The following NEB variants were observed in gnomAD, a reference collection of about 807,000 sequenced individuals.
The protein encoded by NEB is nebulin, also known as nemaline myopathy type 2.
A neutral mutation model predicts 952.2 loss-of-function variants in NEB; 512 were observed. That is an observed-to-expected ratio of 0.54 (90% CI 0.50 to 0.58). NEB has a LOEUF of 0.58. Ranked by LOEUF, NEB falls within the 20% of genes least tolerant of loss-of-function variation. The pLI is 0.00. For missense variants in NEB, 8,428 were observed against 9,231.1 expected (o/e 0.91, Z 3.56); for synonymous variants, 2,900 against 3,149.8 (o/e 0.92, Z 2.66).
intron 11 of NEB, 41 bp from the exon 12 acceptor site, chr2:151,709,804 G>T: frequency 7.1e-7 from 1 of 1,414,870 alleles, no homozygotes; most frequent in South Asian, 1.2e-5. Flanking sequence ...CTGTGGAAAT[G>T]AACTATGCAA....
chr2:151,677,810 AG>A, intron 33 of NEB, 39 bp from the exon 34 acceptor site: 1 of 1,611,778 alleles, frequency 6.2e-7, no homozygotes, highest in South Asian at 1.1e-5. Flanking sequence ...GGCCTAGGAC[AG>A]GGTTCTTTTC....
In NEB at chr2:151,639,349, A is replaced by C. The variant is rs2098818130; in HGVS notation, c.8925T>G (p.Thr2975=). 1 of 1,546,426 alleles carries C rather than the reference A, an allele frequency of 6.5e-7. No homozygotes were observed. The highest frequency in any genetic ancestry group is 2.0e-5 in the Admixed American group (1 of 51,172). ...GTGTGTCTGGCATTATGTGGATCTG[A>C]GTCTTGTCTTTGTCCCAGGCTTCTG... ...LYTEAWDKDK[T]QIHIMPDTPE... is the part of the protein sequence containing the mutation. Residue 2975 remains threonine (T), a synonymous_variant, in exon 63 of 182, where the codon ACT becomes ACG. Transcript: ENST00000397345.
intron 84 of NEB, among the ~76,000 whole-genome samples, chr2:151,606,054 AGG>A (rs2097695034): frequency 1.1e-5 from 1 of 89,712 alleles, no homozygotes; most frequent in Non-Finnish European, 2.9e-5. Flanking sequence ...TCCTGACCTC[AGG>A]TGATCCGCCC....
At chr2:151,711,166 C>G (rs1014026657) in intron 10 of NEB, among the ~76,000 whole-genome samples, 1 of 152,166 alleles carries the variant, frequency 6.6e-6, no homozygotes, top group South Asian at 2.1e-4. Flanking sequence ...GAACCCAACA[C>G]AAAATGCAGC....
At chr2:151,682,142 T>C (rs1479867887) in intron 29 of NEB, among the ~76,000 whole-genome samples, 1 of 152,134 alleles carries the variant, frequency 6.6e-6, no homozygotes, top group Non-Finnish European at 1.5e-5. Flanking sequence ...ACAAAATAAA[T>C]TTCTAGAAAA....
rs150322681 is a variant in NEB at position 151,508,901 on chromosome 2, T to C, written c.23347-792A>G. 3.1e-3 allele frequency among the ~76,000 whole-genome samples: 466 copies of C among 152,376 alleles called. 1 individual carries two copies. The highest frequency in any genetic ancestry group is 4.8e-3 in the Non-Finnish European group (326 of 68,040). On this transcript the variant is annotated intron_variant, in intron 161 of 181. Transcript: ENST00000397345. ...ACCACCAAACTGATGATTGTTTTTA[T>C]TCTCTGCAGCAGAACACTTTAGAGC...
At chr2:151,500,637 C>T (rs2153053295) in intron 168 of NEB, among the ~76,000 whole-genome samples, 1 of 135,194 alleles carries the variant, frequency 7.4e-6, no homozygotes, top group Admixed American at 8.7e-5. Context: ...ACTCCTGTTG[C>T]CTAGGCTGGA....
At chr2:151,672,344 T>G in intron 37 of NEB, 25 bp downstream of exon 37, 1 of 1,546,440 alleles carries the variant, frequency 6.5e-7, no homozygotes, top group Non-Finnish European at 8.8e-7. Context: ...CAAACATCTC[T>G]GGGTCTGTTG....
At chr2:151,723,553 G>T in intron 8 of NEB, 67 bp from the exon 9 acceptor site, 1 of 1,159,494 alleles carries the variant, frequency 8.6e-7, no homozygotes. Flanking sequence ...ACATAGTTTT[G>T]AATTCATCCA....
chr2:151,524,518 A>T lies in NEB; in HGVS notation c.22371T>A (p.Ser7457Arg). 1 of 1,613,824 alleles carries T rather than the reference A, an allele frequency of 6.2e-7. No individual in the cohort carries two copies. The highest frequency in any genetic ancestry group is 1.1e-5 in the South Asian group (1 of 91,072). The change falls in exon 152 of 182, where the codon AGT becomes AGA. Residue 7457 changes from serine to arginine, a missense_variant. Physicochemically the swap from Ser to Arg is moderately radical, Grantham distance 110 (BLOSUM62 -1). Transcript: ENST00000397345. ...GACATTTTCATGACACCCTTACCTC[A>T]CTGGCCTGTTTGGCTGCCTGTGTGG... The part of the protein sequence containing the change: ...KKATQAAKQA[S>R]EVEYRAKHRK...
chr2:151,604,173 C>T (rs1424946504), intron 85 of NEB, among the ~76,000 whole-genome samples: 1 of 119,628 alleles, frequency 8.4e-6, no homozygotes, highest in East Asian at 2.1e-4. Context: ...AAATACATAC[C>T]TGTATCGATA....
rs1574356370 is a variant in NEB at position 151,629,525 on chromosome 2, G to A, written c.9831+14C>T. On this transcript the variant is annotated intron_variant, in intron 68 of 181. Transcript: ENST00000397345. ...TCATCCATCCATGTAAATATCTAGG[G>A]TGTTGCTACTCACATCACTGATAAC... is the stretch of plus-strand genomic sequence containing the variant. 1 of 1,585,970 alleles carries A rather than the reference G, an allele frequency of 6.3e-7. No individual in the cohort carries two copies. Among genetic ancestry groups the A allele is most frequent in the Non-Finnish European group, 8.7e-7 (1 of 1,154,688 alleles).
At chr2:151,716,203 A>G in intron 10 of NEB, 3 of 394,344 alleles carry the variant, frequency 7.6e-6, no homozygotes, top group South Asian at 1.9e-5. Context: ...TAATGGCACA[A>G]TCTTGGCTCA....
In NEB at chr2:151,533,527, G is replaced by C. The variant is rs1279646895; in HGVS notation, c.21332C>G (p.Ala7111Gly). The C allele has an allele frequency of 2.3e-5, 35 of 1,550,418 alleles. 1 individual carries two copies. The South Asian group carries it at 3.7e-4, about 16-fold the overall frequency. ...ACATCCATGTTGCAGAAACATCTTG[G>C]CACTAGATTTATATTTTCTCTGTCC... is the stretch of plus-strand genomic sequence containing the variant. ...LMNERKYKSS[A>G]KMFLQHGCNE... is the part of the protein sequence containing the mutation. Residue 7111 changes from alanine (A) to glycine (G), a missense_variant, in exon 143 of 182, where the codon GCC becomes GGC. Ala to Gly is a moderately conservative substitution (Grantham distance 60, BLOSUM62 0). This residue lies in a region of NEB where 3,374 missense variants were observed against 3,651.5 expected (regional missense o/e 0.92). Transcript: ENST00000397345.
intron 40 of NEB, among the ~76,000 whole-genome samples, chr2:151,666,761 G>A (rs2099223313): frequency 6.6e-6 from 1 of 152,002 alleles, no homozygotes; most frequent in South Asian, 2.1e-4. Flanking sequence ...CCCCAGGCTA[G>A]AGTGCAATGG....
At position 151,663,858 on chromosome 2, in the gene NEB, T is replaced by C. The variant is rs1338302362; in HGVS notation, c.5453A>G (p.Tyr1818Cys). 5 of 1,611,112 alleles carry C rather than the reference T, an allele frequency of 3.1e-6. No homozygotes were observed. The highest frequency in any genetic ancestry group is 1.7e-5 in the Admixed American group (1 of 59,760). Residue 1818 changes from tyrosine (Y) to cysteine (C), a missense_variant and splice_region_variant, in exon 45 of 182, where the codon TAC (tyrosine) becomes TGC (cysteine). Tyr to Cys is a radical substitution (Grantham distance 194). Around this residue, in one of 11 missense-constraint regions of NEB, gnomAD observed 2,851 missense variants for 2,791.5 expected, o/e 1.02. Transcript: ENST00000397345. ...TTGTTCATAGGCTTTCTTGTATTTG[T>C]ACTGTGGACAGAGAAGAAATTATGG... is the stretch of plus-strand genomic sequence containing the variant. ...ARASRDIASD[Y>C]KYKKAYEQAK...
chr2:151,719,820 A>C (rs2099769299), intron 9 of NEB, among the ~76,000 whole-genome samples: 1 of 151,642 alleles, frequency 6.6e-6, no homozygotes, highest in African/African-American at 2.4e-5. Context: ...TGGAGGTTGC[A>C]ATAAGCCAAT....
intron 34 of NEB, among the ~76,000 whole-genome samples, chr2:151,676,576 G>A (rs189023361): frequency 6.6e-6 from 1 of 152,240 alleles, no homozygotes; most frequent in East Asian, 1.9e-4. Context: ...TTACAATCCT[G>A]AACCTTTTGC....
chr2:151,486,514 G>C (rs2050533135), intron 181 of NEB: 1 of 152,690 alleles, frequency 6.5e-6, no homozygotes, highest in South Asian at 2.1e-4. Context: ...TACCCAAGAA[G>C]AATGAAGACA....
Sources: gnomAD v4.1 joint callset for allele counts (sites outside exome capture counted in the v4.1 genomes callset) on GRCh38, gnomAD v4.1.1 for gene constraint, gnomAD v4.1.1 regional missense constraint, MANE v1.5 for transcripts, NCBI Gene and HGNC (gene_info 2026-07-23, HGNC 2026-07-21) for gene names.